MUC5B: variants seen among roughly 807,000 people sequenced by gnomAD.
The protein encoded by MUC5B is mucin 5B, oligomeric mucus/gel-forming, also known as mucin-5B.
Under a neutral mutation model 376.9 loss-of-function variants are expected in MUC5B, and 116 were observed. The ratio of observed to expected loss-of-function variants is 0.31; its 90% CI spans 0.26 to 0.36. The LOEUF is 0.36. MUC5B is among the 10% of genes least tolerant of loss of function. The pLI, the probability that MUC5B is intolerant of heterozygous loss-of-function variation, is 1.00. For synonymous variants in MUC5B, 3,517 were observed against 3,390.9 expected (o/e 1.04, Z -1.29); for missense variants, 7,165 against 7,769.9 (o/e 0.92, Z 2.93).
In MUC5B at chr11:1,241,825, G is replaced by A; in HGVS notation, c.4945G>A (p.Ala1649Thr). ...LTRAPPASTT[A>T]VPTLSEGLTS... is the part of the protein sequence containing the mutation. ...CAGGGCTCCCCCGGCCAGCACCACA[G>A]CAGTCCCCACCCTCTCAGAAGGACT... Residue 1649 changes from alanine to threonine, a missense_variant, in exon 31 of 49, where the codon GCA becomes ACA. Physicochemically the swap from Ala to Thr is moderately conservative, Grantham distance 58. This residue lies in a region of MUC5B where 897 missense variants were observed against 779.6 expected (regional missense o/e 1.15). Coordinates refer to ENST00000529681, the MANE Select transcript of MUC5B (RefSeq NM_002458.3). 1.9e-6 allele frequency: 3 copies of A among 1,613,216 alleles called. No homozygotes were observed. The highest frequency in any genetic ancestry group is 2.5e-6 in the Non-Finnish European group (3 of 1,179,628).
At position 1,227,268 on chromosome 11, in the gene MUC5B, C is replaced by G. The variant is rs1320926053; in HGVS notation, c.577-40C>G. On this transcript the variant is annotated intron_variant, in intron 5 of 48. Coordinates refer to ENST00000529681, the MANE Select transcript of MUC5B (RefSeq NM_002458.3). Reference sequence around the variant, plus strand: ...TGGGGCATGTTGCCAGTGTGGGGATCAGAGGTCCTGAGGCTGGAGCTGCCC... The same window carrying G: ...TGGGGCATGTTGCCAGTGTGGGGATGAGAGGTCCTGAGGCTGGAGCTGCCC... The G allele has an allele frequency of 1.1e-5, 18 of 1,580,960 alleles. No individual in the cohort carries two copies. In the African/African-American group the frequency reaches 1.8e-4, roughly 15 times the overall value.
Position 1,232,779 on chromosome 11 carries a change from C to T in MUC5B, c.2065+9C>T. ...GAGGGACGGCGTCTGCAGTGAGTGC[C>T]CACGCTGGGGGTGGGATGTGTCCAC... On this transcript the variant is annotated intron_variant, in intron 17 of 48. Transcript: ENST00000529681. The T allele has an allele frequency of 1.9e-6, 3 of 1,585,930 alleles. No homozygotes were observed. The highest frequency in any genetic ancestry group is 2.6e-6 in the Non-Finnish European group (3 of 1,164,176).
chr11:1,249,536 G>A lies in MUC5B; in HGVS notation c.12656G>A (p.Arg4219His), dbSNP rs747190554. The change falls in exon 31 of 49, where the codon CGT becomes CAT. Residue 4219 changes from arginine (R) to histidine (H), a missense_variant. Transcript: ENST00000529681. ...KFKMCFNYEI[R>H]VFCCNYGHCP... ...AAGATGTGCTTCAACTATGAAATCC[G>A]TGTGTTCTGCTGCAACTACGGCCAC... 9.9e-6 allele frequency: 16 copies of A among 1,612,440 alleles called. No individual in the cohort carries two copies. Among genetic ancestry groups the A allele is most frequent in the Middle Eastern group, 1.8e-4 (1 of 5,618 alleles).
At chr11:1,226,311 G>T in intron 3 of MUC5B, 35 bp downstream of exon 3, 2 of 1,547,388 alleles carry the variant, frequency 1.3e-6, no homozygotes, top group Non-Finnish European at 1.7e-6. Context: ...CCGGGAAGGG[G>T]GTGTTTGCCA....
chr11:1,226,610 C>T lies in MUC5B; in HGVS notation c.200-5C>T. 6.2e-7 allele frequency: 1 copy of T among 1,607,668 alleles called. No individual in the cohort carries two copies. The highest frequency in any genetic ancestry group is 1.3e-5 in the African/African-American group (1 of 74,922). On this transcript the variant is annotated splice_region_variant and splice_polypyrimidine_tract_variant and intron_variant, in intron 3 of 48. Transcript: ENST00000529681. The stretch of plus-strand genomic sequence containing the variant: ...GGGATGGGCCTCATCCCGCGCTCCC[C>T]ACAGCCCTGAACCCGGCGCACAATG...
At position 1,258,095 on chromosome 11, in the gene MUC5B, G is replaced by A. The variant is rs756817070; in HGVS notation, c.16451-4G>A. The A allele has an allele frequency of 4.8e-5, 76 of 1,575,648 alleles. 1 individual carries two copies. The highest frequency in any genetic ancestry group is 1.5e-4 in the Admixed American group (8 of 54,800). On this transcript the variant is annotated splice_polypyrimidine_tract_variant and splice_region_variant and intron_variant, in intron 41 of 48. Coordinates refer to ENST00000529681, the MANE Select transcript of MUC5B (RefSeq NM_002458.3). The surrounding 1 kb of genome is among the most constrained non-coding windows in gnomAD (Gnocchi z 5.5). ...CCCAGACAGTGGCCTCCATCCTCCC[G>A]CAGTGTGCAACACAACCACCTGCCC...
rs570990493 is a variant in MUC5B, at chr11:1,257,348, C to A, written c.16269+77C>A. ...GAGGGAGGGAAGGAGCATCCCCATC[C>A]CACAGGGCAGCTGTGGGGCGCCCGA... On this transcript the variant is annotated intron_variant, in intron 40 of 48. Coordinates refer to ENST00000529681, the MANE Select transcript of MUC5B (RefSeq NM_002458.3). This position sits in a 1 kb window ranked among gnomAD's most constrained non-coding sequence, Gnocchi z 8.9. The A allele has an allele frequency of 6.3e-4, 520 of 824,934 alleles. 2 individuals carry two copies. The highest frequency in any genetic ancestry group is 5.4e-3 in the African/African-American group (323 of 59,958). 51.1% of individuals were successfully genotyped at this position (824,934 alleles called of 1,614,324 possible).
chr11:1,229,287 G>A lies in MUC5B; in HGVS notation c.1094G>A (p.Cys365Tyr). Reference sequence around the variant, plus strand: ...GACCACTGTGTGGACGGCTGCTTCTGCCCCCCAGGCAGGTCTTGTGTGCCC... The same window carrying A: ...GACCACTGTGTGGACGGCTGCTTCTACCCCCCAGGCAGGTCTTGTGTGCCC... Reference protein sequence around the residue: ...CEDHCVDGCFCPPGTVLDDIT... With the variant: ...CEDHCVDGCFYPPGTVLDDIT... The change falls in exon 9 of 49, where the codon TGC (cysteine) becomes TAC (tyrosine). Residue 365 changes from cysteine (C) to tyrosine (Y), a missense_variant. Cys to Tyr is a radical substitution (Grantham distance 194). Coordinates refer to ENST00000529681, the MANE Select transcript of MUC5B (RefSeq NM_002458.3). The A allele has an allele frequency of 1.3e-6, 2 of 1,574,528 alleles. No homozygotes were observed. The highest frequency in any genetic ancestry group is 1.2e-5 in the South Asian group (1 of 86,308).
In MUC5B at chr11:1,244,823, C is replaced by A. The variant is rs768946864; in HGVS notation, c.7943C>A (p.Thr2648Asn). 4 of 1,613,580 alleles carry A rather than the reference C, an allele frequency of 2.5e-6. No homozygotes were observed. Among genetic ancestry groups the A allele is most frequent in the East Asian group, 4.5e-5 (2 of 44,882 alleles). ...TTPTTRGSTV[T>N]PSSIPGTTHT... is the part of the protein sequence containing the mutation. ...CCCACAACCAGAGGTTCCACGGTGA[C>A]CCCCTCCTCCATCCCGGGGACCACC... Residue 2648 changes from threonine (T) to asparagine (N), a missense_variant, in exon 31 of 49, where the codon ACC becomes AAC. Around this residue, in one of 31 missense-constraint regions of MUC5B, gnomAD observed 141 missense variants for 111.2 expected, o/e 1.27. Transcript: ENST00000529681.
At position 1,250,739 on chromosome 11, in the gene MUC5B, G is replaced by GCACAACCACCACACC. The variant is rs773643124; in HGVS notation, c.13883_13897dup (p.Thr4628_Thr4632dup). ...GCACTCACGCCTCCAGTGTGGATCA[G>GCACAACCACCACACC]CACAACCACCACACCCACAACCACC... On this transcript the variant is annotated inframe_insertion, in exon 31 of 49. Coordinates refer to ENST00000529681, the MANE Select transcript of MUC5B (RefSeq NM_002458.3). 4.8e-5 allele frequency: 78 copies of GCACAACCACCACACC among 1,609,528 alleles called. 4 individuals carry two copies. The highest frequency in any genetic ancestry group is 2.9e-4 in the East Asian group (13 of 44,796).
rs1191729474 is a variant in MUC5B at position 1,233,021 on chromosome 11, A to G, written c.2074A>G (p.Met692Val). The change falls in exon 18 of 49, where the codon ATG becomes GTG. Residue 692 changes from methionine to valine, a missense_variant. Physicochemically the swap from Met to Val is conservative, Grantham distance 21 (BLOSUM62 1). Transcript: ENST00000529681. The stretch of plus-strand genomic sequence containing the variant: ...GGCCCCACCGACCACAGCCAAGTAC[A>G]TGCAGAACTGCCCCAAGTCCCAGCG... ...DWRDGVCTKY[M>V]QNCPKSQRYA... is the part of the protein sequence containing the mutation. 2 of 1,592,294 alleles carry G rather than the reference A, an allele frequency of 1.3e-6. No individual in the cohort carries two copies. Among genetic ancestry groups the G allele is most frequent in the Non-Finnish European group, 1.7e-6 (2 of 1,174,112 alleles).
rs1372330312 is a variant in MUC5B, at chr11:1,233,831, C to G, written c.2360C>G (p.Ser787Cys). 6.2e-7 allele frequency: 1 copy of G among 1,604,362 alleles called. No homozygotes were observed. The highest frequency in any genetic ancestry group is 8.5e-7 in the Non-Finnish European group (1 of 1,176,136). Residue 787 changes from serine (S) to cysteine (C), a missense_variant, in exon 19 of 49, where the codon TCT becomes TGT. Physicochemically the swap from Ser to Cys is moderately radical, Grantham distance 112. This residue lies in a region of MUC5B where 530 missense variants were observed against 604.0 expected (regional missense o/e 0.88). Transcript: ENST00000529681. Reference sequence around the variant, plus strand: ...GGGAAGCTAAGCTGCCTGGGAGCCTCTCTGCAGAAAAGCACAGGTAAGTGC... The same window carrying G: ...GGGAAGCTAAGCTGCCTGGGAGCCTGTCTGCAGAAAAGCACAGGTAAGTGC... ...TGGKLSCLGA[S>C]LQKSTGCAAP...
In MUC5B at chr11:1,244,790, C is replaced by T. The variant is rs1590180713; in HGVS notation, c.7910C>T (p.Thr2637Ile). The T allele has an allele frequency of 1.9e-6, 3 of 1,612,466 alleles. No homozygotes were observed. The East Asian group carries it at 6.7e-5, about 36-fold the overall frequency. ...ACGCTTCCAGTGTGGATCAGCACAA[C>T]CACCACACCCACAACCAGAGGTTCC... ...ARTLPVWIST[T>I]TTPTTRGSTV... Residue 2637 changes from threonine to isoleucine, a missense_variant, in exon 31 of 49, where the codon ACC (threonine) becomes ATC (isoleucine). Coordinates refer to ENST00000529681, the MANE Select transcript of MUC5B (RefSeq NM_002458.3).
At position 1,242,711 on chromosome 11, in the gene MUC5B, C is replaced by G; in HGVS notation, c.5831C>G (p.Thr1944Ser). 1.9e-6 allele frequency: 3 copies of G among 1,613,406 alleles called. No homozygotes were observed. Among genetic ancestry groups the G allele is most frequent in the South Asian group, 2.2e-5 (2 of 91,064 alleles). Residue 1944 changes from threonine to serine, a missense_variant, in exon 31 of 49, where the codon ACC becomes AGC. Thr to Ser is a moderately conservative substitution (Grantham distance 58). Coordinates refer to ENST00000529681, the MANE Select transcript of MUC5B (RefSeq NM_002458.3). ...CCCAAAGTGCTGACCACCACGGCCA[C>G]CACACCCACAGTCACCAGCTCCAAA... ...PPPKVLTTTA[T>S]TPTVTSSKAT...
In MUC5B at chr11:1,226,247, C is replaced by T. The variant is rs1861878783; in HGVS notation, c.170C>T (p.Pro57Leu). Reference protein sequence around the residue: ...SSPTRRVSFVPPVTVFPSLSP... With the variant: ...SSPTRRVSFVLPVTVFPSLSP... ...CCCACCCGGCGCGTGAGCTTTGTTCCACCCGTCACTGTCTTCCCCAGCCTG... is the reference window on the plus strand; with the variant it reads ...CCCACCCGGCGCGTGAGCTTTGTTCTACCCGTCACTGTCTTCCCCAGCCTG... Residue 57 changes from proline to leucine, a missense_variant, in exon 3 of 49, where the codon CCA (proline) becomes CTA (leucine). Pro to Leu is a moderately conservative substitution (Grantham distance 98, BLOSUM62 -3). Around this residue, in one of 31 missense-constraint regions of MUC5B, gnomAD observed 640 missense variants for 733.0 expected, o/e 0.87. Coordinates refer to ENST00000529681, the MANE Select transcript of MUC5B (RefSeq NM_002458.3). The T allele has an allele frequency of 1.3e-6, 2 of 1,557,062 alleles. No homozygotes were observed. Among genetic ancestry groups the T allele is most frequent in the Non-Finnish European group, 1.7e-6 (2 of 1,152,118 alleles).
At chr11:1,232,344 C>T in intron 15 of MUC5B, 106 bp from the exon 16 acceptor site, 1 of 1,405,082 alleles carries the variant, frequency 7.1e-7, no homozygotes, top group Non-Finnish European at 9.7e-7. Flanking sequence ...AGGTGAGCCG[C>T]AAATTCCAAC....
chr11:1,235,275 G>A, intron 22 of MUC5B, 28 bp from the exon 23 acceptor site: 1 of 1,610,630 alleles, frequency 6.2e-7, no homozygotes, highest in Non-Finnish European at 8.5e-7. Flanking sequence ...CCAGCCCGCG[G>A]CCAGCAGCTT....
chr11:1,226,982 A>G, intron 4 of MUC5B, 49 bp from the exon 5 acceptor site: 1 of 1,575,600 alleles, frequency 6.3e-7, no homozygotes, highest in Middle Eastern at 2.2e-4. Context: ...TTGGGTGGGC[A>G]GGCAGCCAGG....
Position 1,231,979 on chromosome 11 carries a change from C to T in MUC5B, c.1679-17C>T, listed in dbSNP as rs1862038441. The stretch of plus-strand genomic sequence containing the variant: ...GCCCAACAGTGGCCGCTGACATCCC[C>T]CAACCCTGGCCCCCAGGCCTGTGTG... On this transcript the variant is annotated splice_polypyrimidine_tract_variant and intron_variant, in intron 14 of 48. Transcript: ENST00000529681. The T allele has an allele frequency of 6.2e-7, 1 of 1,612,382 alleles. No homozygotes were observed. Among genetic ancestry groups the T allele is most frequent in the African/African-American group, 1.3e-5 (1 of 75,044 alleles).
Sources: gnomAD v4.1 joint callset for allele counts on GRCh38, gnomAD v4.1.1 for gene constraint, gnomAD v4.1.1 regional missense constraint, Gnocchi (gnomAD v3.1) non-coding constraint, MANE v1.5 for transcripts, NCBI Gene and HGNC (gene_info 2026-07-23, HGNC 2026-07-21) for gene names.